The following ARAP1 variants were observed in gnomAD, a reference collection of about 807,000 sequenced individuals.
ARAP1 encodes arf-GAP with Rho-GAP domain, ANK repeat and PH domain-containing protein 1.
ARAP1 carries 76 observed loss-of-function variants against 172.2 expected under a neutral mutation model. That is an observed-to-expected ratio of 0.44 (90% CI 0.37 to 0.53). The LOEUF is 0.53. Ranked by LOEUF, ARAP1 falls within the 20% of genes least tolerant of loss-of-function variation. ARAP1 has a pLI of 0.00. For synonymous variants in ARAP1, 804 were observed against 803.3 expected (o/e 1.00, Z -0.01); for missense variants, 1,686 against 1,977.5 (o/e 0.85, Z 2.80).
rs1217824079 is a variant in ARAP1 at position 72,693,711 on chromosome 11, C to T, written c.3789G>A (p.Glu1263=). ...HLVVKKHQAM[E]AMLLYLASRV... ...ACCTACCCAGGTACAGCAGCATGGCCTCCATGGCCTGGTGCTTCTTCACCA... is the reference window on the plus strand; with the variant it reads ...ACCTACCCAGGTACAGCAGCATGGCTTCCATGGCCTGGTGCTTCTTCACCA... The change falls in exon 28 of 35, where the codon GAG becomes GAA. Residue 1263 remains glutamate, a synonymous_variant. Transcript: ENST00000393609. This position sits in a 1 kb window ranked among gnomAD's most constrained non-coding sequence, Gnocchi z 4.6. 3 of 1,608,484 alleles carry T rather than the reference C, an allele frequency of 1.9e-6. No individual in the cohort carries two copies. Among genetic ancestry groups the T allele is most frequent in the Non-Finnish European group, 2.5e-6 (3 of 1,177,454 alleles).
chr11:72,735,832 A>C (rs752794153), intron 1 of ARAP1, among the ~76,000 whole-genome samples: 8 of 152,160 alleles, frequency 5.3e-5, no homozygotes, highest in Non-Finnish European at 8.8e-5. Context: ...CTCGGCACTG[A>C]CACCTCTTTG....
intron 2 of ARAP1, among the ~76,000 whole-genome samples, chr11:72,732,250 T>C (rs1857889763): frequency 6.6e-6 from 1 of 152,050 alleles, no homozygotes; most frequent in Non-Finnish European, 1.5e-5. Flanking sequence ...AGTGAGGAGA[T>C]ACATAAACAC....
chr11:72,708,316 C>T (rs1221133647), intron 11 of ARAP1: 3 of 152,270 alleles, frequency 2.0e-5, no homozygotes, highest in Middle Eastern at 3.2e-3. Flanking sequence ...GCACCAAGCT[C>T]ACCTTCCTGT....
In ARAP1 at chr11:72,699,125, A is replaced by G; in HGVS notation, c.2439-18T>C. 1 of 1,613,278 alleles carries G rather than the reference A, an allele frequency of 6.2e-7. No individual in the cohort carries two copies. Among genetic ancestry groups the G allele is most frequent in the Non-Finnish European group, 8.5e-7 (1 of 1,179,434 alleles). ...GCTCAAAGCTGCAAATACACAGGCC[A>G]GGACTCAGGCCCACCTCATCCAGCA... On this transcript the variant is annotated intron_variant, in intron 17 of 34. Transcript: ENST00000393609. This position sits in a 1 kb window ranked among gnomAD's most constrained non-coding sequence, Gnocchi z 4.2.
chr11:72,693,089 T>C lies in ARAP1; in HGVS notation c.3954+236A>G. The C allele has an allele frequency of 3.1e-6, 2 of 655,404 alleles. No individual in the cohort carries two copies. Among genetic ancestry groups the C allele is most frequent in the South Asian group, 1.9e-5 (1 of 52,104 alleles). The allele number at this position is 655,404 out of a possible 1,614,324, so 40.6% of individuals were successfully genotyped here. On this transcript the variant is annotated intron_variant, in intron 29 of 34. Transcript: ENST00000393609. The surrounding 1 kb of genome is among the most constrained non-coding windows in gnomAD (Gnocchi z 4.6). ...GGCACAGTGAGACAGAGCATGGGCATGGAGTGGTGTGATGGCATCCGGGTG... is the reference window on the plus strand; with the variant it reads ...GGCACAGTGAGACAGAGCATGGGCACGGAGTGGTGTGATGGCATCCGGGTG...
At chr11:72,746,758 A>G (rs1378372945) in intron 1 of ARAP1, among the ~76,000 whole-genome samples, 1 of 142,654 alleles carries the variant, frequency 7.0e-6, no homozygotes, top group Non-Finnish European at 1.5e-5. Context: ...GGGGATCCCC[A>G]GAGTCGCTCC....
At chr11:72,727,688 T>TAC (rs1857738666) in intron 2 of ARAP1, among the ~76,000 whole-genome samples, 1 of 152,194 alleles carries the variant, frequency 6.6e-6, no homozygotes, top group South Asian at 2.1e-4. Flanking sequence ...AGCCTCCCCC[T>TAC]ACCTCCATGC....
chr11:72,751,347 T>G (rs1858525917), intron 1 of ARAP1, among the ~76,000 whole-genome samples: 1 of 152,146 alleles, frequency 6.6e-6, no homozygotes, highest in Non-Finnish European at 1.5e-5. Context: ...TGGAGGGTCC[T>G]TATCCTTGTA....
rs866656370 is a variant in ARAP1, at chr11:72,693,953, C to G, written c.3695-148G>C. On this transcript the variant is annotated intron_variant, in intron 27 of 34. Transcript: ENST00000393609. The surrounding 1 kb of genome is among the most constrained non-coding windows in gnomAD (Gnocchi z 4.6). ...CACAAAACACCACCATCATGACCAC[C>G]CTTCCCATGACCAAGCTTCAGGCTT... 9.4e-6 allele frequency: 6 copies of G among 638,930 alleles called. No homozygotes were observed. Among genetic ancestry groups the G allele is most frequent in the Non-Finnish European group, 1.6e-5 (6 of 375,116 alleles). 39.6% of individuals were successfully genotyped at this position (638,930 alleles called of 1,614,324 possible).
At position 72,702,951 on chromosome 11, in the gene ARAP1, C is replaced by T. The variant is rs1262349192; in HGVS notation, c.2121G>A (p.Ala707=). The T allele has an allele frequency of 1.9e-5, 29 of 1,565,936 alleles. No individual in the cohort carries two copies. Among genetic ancestry groups the T allele is most frequent in the Admixed American group, 3.8e-5 (2 of 52,522 alleles). Residue 707 remains alanine, a synonymous_variant, in exon 15 of 35, where the codon GCG becomes GCA. Coordinates refer to ENST00000393609, the MANE Select transcript of ARAP1 (RefSeq NM_001040118.3). The part of the protein sequence containing the change: ...APTPLALAEQ[A]GQTLQMEFLR... ...GGAATTCCATCTGCAGCGTCTGCCC[C>T]GCCTGCTCTGCAAGAGCCAGGGGCG...
chr11:72,700,172 C>G (rs59363870), intron 16 of ARAP1: 1 of 155,852 alleles, frequency 6.4e-6, no homozygotes, highest in African/African-American at 2.4e-5. Context: ...AGGCTTGTAC[C>G]GTTCACAGCA....
chr11:72,693,598 G>C lies in ARAP1; in HGVS notation c.3808+94C>G. 1 of 1,531,762 alleles carries C rather than the reference G, an allele frequency of 6.5e-7. No homozygotes were observed. The highest frequency in any genetic ancestry group is 1.2e-5 in the South Asian group (1 of 80,596). 94.9% of individuals were successfully genotyped at this position (1,531,762 alleles called of 1,614,324 possible). A position where few individuals can be genotyped will look rare whatever the true frequency, so the allele number is the denominator to read the frequency against. ...GAGGCCCACCCACTTGGCGCCCTCT[G>C]TCTGAGCTGTTCCTACCTGGCACCA... On this transcript the variant is annotated intron_variant, in intron 28 of 34. Coordinates refer to ENST00000393609, the MANE Select transcript of ARAP1 (RefSeq NM_001040118.3). This position sits in a 1 kb window ranked among gnomAD's most constrained non-coding sequence, Gnocchi z 4.6.
intron 1 of ARAP1, among the ~76,000 whole-genome samples, chr11:72,739,279 C>T (rs766117843): frequency 6.6e-6 from 1 of 152,136 alleles, no homozygotes; most frequent in Non-Finnish European, 1.5e-5. Flanking sequence ...TACCCCAGGC[C>T]GCATCTCTGC....
At position 72,741,611 on chromosome 11, in the gene ARAP1, CG is replaced by C. The variant is rs2135590351; in HGVS notation, c.-127-9015del. ...ATCCTCCTGTGACCACTGCCCCCAG[CG>C]GGAGCAGGAGGGGGACTCCGAACAC... On this transcript the variant is annotated intron_variant, in intron 1 of 34. Transcript: ENST00000393609. The surrounding 1 kb of genome is among the most constrained non-coding windows in gnomAD (Gnocchi z 4.5). Among the ~76,000 whole-genome samples the C allele has an allele frequency of 6.6e-6, 1 of 151,980 alleles. No homozygotes were observed. Among genetic ancestry groups the C allele is most frequent in the East Asian group, 1.9e-4 (1 of 5,166 alleles).
chr11:72,703,693 G>C (rs924255798), intron 14 of ARAP1, among the ~76,000 whole-genome samples: 1 of 152,260 alleles, frequency 6.6e-6, no homozygotes, highest in African/African-American at 2.4e-5. Context: ...CTCCCACTCA[G>C]GCAGAGCCAG....
chr11:72,699,369 G>GA lies in ARAP1; in HGVS notation c.2438+47dup, dbSNP rs1283645478. On this transcript the variant is annotated intron_variant, in intron 17 of 34. Transcript: ENST00000393609. The surrounding 1 kb of genome is among the most constrained non-coding windows in gnomAD (Gnocchi z 4.2). ...CTATTTCCCTGTCTCCCCAGTGGGG[G>GA]ATTGTACCTTATAGCAACCACAGTC... 1.9e-6 allele frequency: 3 copies of GA among 1,612,084 alleles called. No individual in the cohort carries two copies. The highest frequency in any genetic ancestry group is 2.5e-6 in the Non-Finnish European group (3 of 1,179,016).
intron 1 of ARAP1, among the ~76,000 whole-genome samples, chr11:72,738,910 C>T (rs375019885): frequency 2.6e-5 from 4 of 152,194 alleles, no homozygotes; most frequent in Admixed American, 2.0e-4. Flanking sequence ...CAGCCCAATA[C>T]CCCACCCTTG....
chr11:72,726,177 C>A lies in ARAP1; in HGVS notation c.509+443G>T, dbSNP rs543228027. Among the ~76,000 whole-genome samples the A allele has an allele frequency of 1.0e-3, 157 of 152,218 alleles. No homozygotes were observed. Among genetic ancestry groups the A allele is most frequent in the African/African-American group, 3.6e-3 (150 of 41,516 alleles). Reference sequence around the variant, plus strand: ...AAAGAGCACACCACCAGGACCTGGGCAGTCCCCTCACCCCCAACCCTACCC... The same window carrying A: ...AAAGAGCACACCACCAGGACCTGGGAAGTCCCCTCACCCCCAACCCTACCC... On this transcript the variant is annotated intron_variant, in intron 3 of 34. Coordinates refer to ENST00000393609, the MANE Select transcript of ARAP1 (RefSeq NM_001040118.3). This position sits in a 1 kb window ranked among gnomAD's most constrained non-coding sequence, Gnocchi z 6.5.
intron 11 of ARAP1, among the ~76,000 whole-genome samples, 195 bp downstream of exon 11, chr11:72,709,675 G>A (rs1856921294): frequency 6.6e-6 from 1 of 152,054 alleles, no homozygotes; most frequent in South Asian, 2.1e-4. Flanking sequence ...CAGCACAGGG[G>A]AGAGTAAGAC....
Sources: gnomAD v4.1 joint callset for allele counts (sites outside exome capture counted in the v4.1 genomes callset) on GRCh38, gnomAD v4.1.1 for gene constraint, Gnocchi (gnomAD v3.1) non-coding constraint, MANE v1.5 for transcripts, NCBI Gene and HGNC (gene_info 2026-07-23, HGNC 2026-07-21) for gene names.